PTBP2: variants seen among roughly 807,000 people sequenced by gnomAD.
PTBP2 encodes polypyrimidine tract binding protein 2.
In PTBP2, 13 loss-of-function variants were observed where a neutral mutation model predicts 61.4. The observed-to-expected ratio is 0.21, with a 90% CI of 0.14 to 0.34. PTBP2 has a LOEUF of 0.34. Among genes scored for constraint, PTBP2 ranks in the 10% least tolerant of loss-of-function variants. PTBP2 has a pLI of 1.00. For missense variants in PTBP2, 405 were observed against 642.6 expected (o/e 0.63, Z 4.00); for synonymous variants, 215 against 218.5 (o/e 0.98, Z 0.14).
intron 8 of PTBP2, among the ~76,000 whole-genome samples, chr1:96,790,147 A>G (rs1659629952): frequency 6.6e-6 from 1 of 152,104 alleles, no homozygotes; most frequent in African/African-American, 2.4e-5. Flanking sequence ...CCTTTTAGAA[A>G]GTTTCACAGA....
intron 11 of PTBP2, among the ~76,000 whole-genome samples, chr1:96,807,565 T>C (rs1571025081): frequency 6.6e-6 from 1 of 152,346 alleles, no homozygotes; most frequent in East Asian, 1.9e-4. Context: ...TGATTGACTG[T>C]AAATGCCAGG....
chr1:96,804,836 ATGC>A lies in PTBP2; in HGVS notation c.948_950del (p.Ala324del). ...GCTCTGAGTCCTTTGGCCATTCCAAATGCTGCTGCAGCAGCTGCTGCAGCTGCT... is the reference window on the plus strand; with the variant it reads ...GCTCTGAGTCCTTTGGCCATTCCAAATGCTGCAGCAGCTGCTGCAGCTGCT... On this transcript the variant is annotated inframe_deletion, in exon 9 of 14. Coordinates refer to ENST00000674951, the MANE Select transcript of PTBP2 (RefSeq NM_021190.4). The A allele has an allele frequency of 6.2e-7, 1 of 1,611,908 alleles. No homozygotes were observed. Among genetic ancestry groups the A allele is most frequent in the South Asian group, 1.1e-5 (1 of 90,964 alleles).
At chr1:96,741,920 T>A (rs1428513817) in intron 2 of PTBP2, among the ~76,000 whole-genome samples, 1 of 152,206 alleles carries the variant, frequency 6.6e-6, no homozygotes, top group Non-Finnish European at 1.5e-5. Context: ...ACAGAACCAT[T>A]TCTGTGCTAT....
chr1:96,748,562 T>C (rs1014939824), intron 2 of PTBP2, among the ~76,000 whole-genome samples: 9 of 152,224 alleles, frequency 5.9e-5, no homozygotes, highest in African/African-American at 9.6e-5. Context: ...AAGAAAAGTT[T>C]CTGTGGTCAG....
chr1:96,801,645 A>C (rs975735252), intron 8 of PTBP2, among the ~76,000 whole-genome samples: 6 of 151,620 alleles, frequency 4.0e-5, no homozygotes, highest in Admixed American at 2.0e-4. Flanking sequence ...ACCTGAGGTC[A>C]GGAGTTCAAG....
intron 2 of PTBP2, among the ~76,000 whole-genome samples, chr1:96,750,470 T>G (rs936298643): frequency 6.6e-6 from 1 of 151,960 alleles, no homozygotes; most frequent in Non-Finnish European, 1.5e-5. Flanking sequence ...CCTATGGATA[T>G]CTGTTTACTC....
chr1:96,790,496 T>G (rs1659680673), intron 8 of PTBP2, among the ~76,000 whole-genome samples: 1 of 152,012 alleles, frequency 6.6e-6, no homozygotes, highest in South Asian at 2.1e-4. Flanking sequence ...AAATATTGCT[T>G]TTTCTCCCCT....
intron 11 of PTBP2, among the ~76,000 whole-genome samples, chr1:96,807,291 T>G (rs1310297314): frequency 3.3e-5 from 5 of 152,200 alleles, no homozygotes; most frequent in African/African-American, 1.2e-4. Flanking sequence ...GGCTAACTGT[T>G]CATACAGTCC....
chr1:96,797,818 C>G (rs1660542711), intron 8 of PTBP2, among the ~76,000 whole-genome samples: 1 of 152,144 alleles, frequency 6.6e-6, no homozygotes, highest in African/African-American at 2.4e-5. Context: ...GAACAACTTT[C>G]TATACATTTG....
chr1:96,807,056 G>T lies in PTBP2; in HGVS notation c.1171+98G>T, dbSNP rs1661561187. Reference sequence around the variant, plus strand: ...AAAATAAACTCCTTTACATCAGTAAGAAATTATTTTAATGGCCAGGGCTCA... The same window carrying T: ...AAAATAAACTCCTTTACATCAGTAATAAATTATTTTAATGGCCAGGGCTCA... On this transcript the variant is annotated intron_variant, in intron 11 of 13. Coordinates refer to ENST00000674951, the MANE Select transcript of PTBP2 (RefSeq NM_021190.4). 8.1e-6 allele frequency: 7 copies of T among 862,958 alleles called. No individual in the cohort carries two copies. The East Asian group carries it at 2.0e-4, about 24-fold the overall frequency. 53.5% of individuals were successfully genotyped at this position (862,958 alleles called of 1,614,324 possible).
At chr1:96,800,586 T>C (rs566316074) in intron 8 of PTBP2, among the ~76,000 whole-genome samples, 77 of 150,882 alleles carry the variant, frequency 5.1e-4, no homozygotes, top group African/African-American at 1.8e-3. Flanking sequence ...TAAAAAAAAT[T>C]AGCCATGCCT....
At chr1:96,781,930 A>C (rs1320672330) in intron 7 of PTBP2, among the ~76,000 whole-genome samples, 1 of 152,010 alleles carries the variant, frequency 6.6e-6, no homozygotes, top group Non-Finnish European at 1.5e-5. Flanking sequence ...TATTAGGCAA[A>C]GATGCGTCTT....
In PTBP2 at chr1:96,813,523, C is replaced by CTT. The variant is rs138277715; in HGVS notation, c.*127_*128dup. ...TTTTGTTTTTGTTTTTTTGGGGTTT[C>CTT]TTTTTTTTTTCCATGCTGTTATCAT... On this transcript the variant is annotated 3_prime_UTR_variant, in exon 14 of 14. Transcript: ENST00000674951. 75 of 943,540 alleles carry CTT rather than the reference C, an allele frequency of 7.9e-5. No homozygotes were observed. Among genetic ancestry groups the CTT allele is most frequent in the African/African-American group, 6.7e-4 (37 of 55,424 alleles). The allele number at this position is 943,540 out of a possible 1,614,324, so 58.4% of individuals were successfully genotyped here.
At chr1:96,743,822 T>G (rs571847318) in intron 2 of PTBP2, among the ~76,000 whole-genome samples, 1 of 152,262 alleles carries the variant, frequency 6.6e-6, no homozygotes, top group African/African-American at 2.4e-5. Flanking sequence ...TAAGCTGTTT[T>G]ATTAAATGAA....
intron 11 of PTBP2, among the ~76,000 whole-genome samples, chr1:96,811,132 T>C (rs273882): frequency 0.29 from 44,577 of 151,842 alleles, 7,315 homozygotes; most frequent in East Asian, 0.46. Context: ...AAGAAAAATT[T>C]AAGGAAGTTA....
At chr1:96,722,663 G>A (rs1649774307) in intron 1 of PTBP2, among the ~76,000 whole-genome samples, 1 of 152,228 alleles carries the variant, frequency 6.6e-6, no homozygotes, top group South Asian at 2.1e-4. Context: ...AACAGCAATG[G>A]CAGAAACAAG....
chr1:96,806,682 T>C, intron 10 of PTBP2, 184 bp from the exon 11 acceptor site: 1 of 662,406 alleles, frequency 1.5e-6, no homozygotes, highest in Non-Finnish European at 2.5e-6. Context: ...TTATCAAAAA[T>C]TATTCTTTTC....
chr1:96,771,208 T>TA (rs1302972836), intron 5 of PTBP2: 1 of 155,842 alleles, frequency 6.4e-6, no homozygotes, highest in Non-Finnish European at 1.4e-5. Flanking sequence ...CTTAATTTCT[T>TA]ACGGAAAATT....
chr1:96,784,688 G>T (rs1002586564), intron 7 of PTBP2, among the ~76,000 whole-genome samples: 1 of 152,084 alleles, frequency 6.6e-6, no homozygotes, highest in Non-Finnish European at 1.5e-5. Context: ...ATAAATATAT[G>T]TATAATAAAA....
Sources: gnomAD v4.1 joint callset for allele counts (sites outside exome capture counted in the v4.1 genomes callset) on GRCh38, gnomAD v4.1.1 for gene constraint, MANE v1.5 for transcripts, NCBI Gene and HGNC (gene_info 2026-07-23, HGNC 2026-07-21) for gene names.